PDE6A: variants seen among roughly 807,000 people sequenced by gnomAD.
PDE6A encodes rod cGMP-specific 3',5'-cyclic phosphodiesterase subunit alpha.
Under a neutral mutation model 106.3 loss-of-function variants are expected in PDE6A, and 84 were observed. That is an observed-to-expected ratio of 0.79 (90% CI 0.66 to 0.95). The LOEUF is 0.95. Ranked by LOEUF, PDE6A falls within the 40% of genes least tolerant of loss-of-function variation. The pLI is 0.00. For missense variants in PDE6A, 1,052 were observed against 1,084.9 expected, an observed-to-expected ratio of 0.97 and a Z score of 0.43; for synonymous variants, 394 against 386.6, an observed-to-expected ratio of 1.02 and a Z score of -0.23.
intron 6 of PDE6A, among the ~76,000 whole-genome samples, chr5:149,909,149 C>T (rs1379171497): frequency 6.6e-6 from 1 of 151,948 alleles, no homozygotes; most frequent in Non-Finnish European, 1.5e-5. Context: ...GCATGTGCCA[C>T]CACACCTGGC....
chr5:149,868,284 G>T, intron 17 of PDE6A, 126 bp from the exon 18 acceptor site: 2 of 901,042 alleles, frequency 2.2e-6, no homozygotes, highest in Non-Finnish European at 3.6e-6. Flanking sequence ...TGAGGAAAGG[G>T]CTCACCCCCA....
chr5:149,861,417 G>A (rs1479939171), intron 21 of PDE6A, among the ~76,000 whole-genome samples: 2 of 152,258 alleles, frequency 1.3e-5, no homozygotes, highest in African/African-American at 4.8e-5. Flanking sequence ...AGGAGGCTGA[G>A]GCAGGAAAAT....
chr5:149,864,016 G>A (rs1258913837), intron 20 of PDE6A, among the ~76,000 whole-genome samples: 4 of 151,950 alleles, frequency 2.6e-5, no homozygotes, highest in Admixed American at 2.0e-4. Context: ...GCCTCTTCTG[G>A]CCCCCTAGTG....
chr5:149,883,376 G>A (rs1423875452), intron 17 of PDE6A, 53 bp downstream of exon 17: 8 of 1,188,696 alleles, frequency 6.7e-6, no homozygotes, highest in South Asian at 4.9e-5. Flanking sequence ...AGTGCATCTC[G>A]CCTCATGATC....
At chr5:149,919,250 T>C (rs1753637883) in intron 5 of PDE6A, among the ~76,000 whole-genome samples, 1 of 152,060 alleles carries the variant, frequency 6.6e-6, no homozygotes, top group Non-Finnish European at 1.5e-5. Context: ...CTCGCGCCTG[T>C]AATCCTAGCA....
chr5:149,926,069 C>G (rs1753857486), intron 4 of PDE6A, among the ~76,000 whole-genome samples: 1 of 151,906 alleles, frequency 6.6e-6, no homozygotes. Flanking sequence ...TGGTGAAACC[C>G]CATCTGTACT....
At chr5:149,916,476 C>T (rs1484997243) in intron 5 of PDE6A, among the ~76,000 whole-genome samples, 2 of 152,110 alleles carry the variant, frequency 1.3e-5, no homozygotes, top group Admixed American at 6.6e-5. Flanking sequence ...TTTGCTGTGT[C>T]GTCACTTCAG....
At chr5:149,907,520 A>G in intron 6 of PDE6A, 142 bp from the exon 7 acceptor site, 1 of 690,948 alleles carries the variant, frequency 1.4e-6, no homozygotes, top group Non-Finnish European at 2.7e-6. Context: ...CAAACCCAAA[A>G]TGTTGGCCAA....
At chr5:149,927,321 G>A (rs1057466629) in intron 4 of PDE6A, among the ~76,000 whole-genome samples, 1 of 152,134 alleles carries the variant, frequency 6.6e-6, no homozygotes, top group Non-Finnish European at 1.5e-5. Flanking sequence ...TGAAGGCCTA[G>A]GACATTACTG....
In PDE6A at chr5:149,898,442, A is replaced by G; in HGVS notation, c.1328T>C (p.Leu443Pro). The change falls in exon 10 of 22, where the codon CTT becomes CCT. Residue 443 changes from leucine (L) to proline (P), a missense_variant. Transcript: ENST00000255266. ...NPDTYESMNK[L>P]ENRKDIFQDI... Reference sequence around the variant, plus strand: ...CTGGAAAATATCCTTCCTATTTTCAAGTTTATTCATTGACTCATAGGTGTC... The same window carrying G: ...CTGGAAAATATCCTTCCTATTTTCAGGTTTATTCATTGACTCATAGGTGTC... 6.2e-7 allele frequency: 1 copy of G among 1,613,394 alleles called. No individual in the cohort carries two copies. The highest frequency in any genetic ancestry group is 8.5e-7 in the Non-Finnish European group (1 of 1,179,388).
rs142259966 is a variant in PDE6A at position 149,903,675 on chromosome 5, C to T, written c.1086G>A (p.Ala362=). 5.4e-3 allele frequency: 8,677 copies of T among 1,613,654 alleles called. 30 individuals carry two copies. Among genetic ancestry groups the T allele is most frequent in the Non-Finnish European group, 6.5e-3 (7,662 of 1,179,620 alleles). Residue 362 remains alanine (A), a synonymous_variant, in exon 8 of 22, where the codon GCG becomes GCA. Coordinates refer to ENST00000255266, the MANE Select transcript of PDE6A (RefSeq NM_000440.3). ...GAAATGCAAAAAAGTCCTCCGCAGG[C>T]GCATTCATGATGTTGCAAATCTGAG... ...QNGLICNIMN[A]PAEDFFAFQK...
intron 17 of PDE6A, among the ~76,000 whole-genome samples, chr5:149,868,633 G>A (rs911992016): frequency 1.3e-5 from 2 of 152,150 alleles, no homozygotes; most frequent in Non-Finnish European, 2.9e-5. Context: ...GTAGAGAAGT[G>A]TTTCTCAACT....
At chr5:149,938,528 G>T (rs1754244448) in intron 1 of PDE6A, among the ~76,000 whole-genome samples, 1 of 152,138 alleles carries the variant, frequency 6.6e-6, no homozygotes, top group Non-Finnish European at 1.5e-5. Flanking sequence ...AGGGGCCAGT[G>T]GTGAATAAGA....
intron 4 of PDE6A, among the ~76,000 whole-genome samples, chr5:149,929,304 A>G (rs988095426): frequency 1.1e-4 from 16 of 152,154 alleles, no homozygotes; most frequent in Non-Finnish European, 1.8e-4. Flanking sequence ...ACTCATGCTA[A>G]ATGAAGTAAT....
chr5:149,872,613 T>C (rs1013414573), intron 17 of PDE6A, among the ~76,000 whole-genome samples: 2 of 152,210 alleles, frequency 1.3e-5, no homozygotes, highest in Admixed American at 6.5e-5. Context: ...AGCCTTCCTC[T>C]TAGCCAGCCC....
At chr5:149,936,193 G>GGAAGGAAT in intron 1 of PDE6A, among the ~76,000 whole-genome samples, 1 of 151,478 alleles carries the variant, frequency 6.6e-6, no homozygotes, top group Admixed American at 6.6e-5. Flanking sequence ...AAGGAAGGAA[G>GGAAGGAAT]GAAGGAAGGA....
At chr5:149,931,596 C>T (rs1754038614) in intron 3 of PDE6A, among the ~76,000 whole-genome samples, 1 of 152,210 alleles carries the variant, frequency 6.6e-6, no homozygotes, top group South Asian at 2.1e-4. Flanking sequence ...TCGAGTTTCT[C>T]AAATCTGGCA....
intron 17 of PDE6A, among the ~76,000 whole-genome samples, chr5:149,875,485 C>CT (rs1438091330): frequency 5.4e-5 from 8 of 148,284 alleles, no homozygotes; most frequent in Middle Eastern, 3.5e-3. Flanking sequence ...TACATACTGA[C>CT]TATTTTTTTT....
chr5:149,881,856 C>G (rs1760937031), intron 17 of PDE6A, among the ~76,000 whole-genome samples: 1 of 152,036 alleles, frequency 6.6e-6, no homozygotes, highest in African/African-American at 2.4e-5. Flanking sequence ...GAGTTCAAAA[C>G]CAGCCTAGGC....
Sources: allele counts gnomAD v4.1 joint callset (sites outside exome capture counted in the v4.1 genomes callset), GRCh38; gene constraint gnomAD v4.1.1; transcripts MANE v1.5; gene names NCBI Gene and HGNC (gene_info 2026-07-23, HGNC 2026-07-21).